Variants in LMBR1 observed in about 807,000 individuals in gnomAD.
The protein encoded by LMBR1 is limb region 1 protein homolog.
LMBR1 carries 52 observed loss-of-function variants against 73.9 expected under a neutral mutation model. The observed-to-expected ratio is 0.70, with a 90% CI of 0.56 to 0.89. LMBR1 has a LOEUF of 0.89. Ranked by LOEUF, LMBR1 falls within the 40% of genes least tolerant of loss-of-function variation. The probability of loss-of-function intolerance (pLI) is 0.00; values close to 1 mark genes in which losing one functional copy is unlikely to be tolerated. For synonymous variants in LMBR1, 215 were observed against 209.4 expected (o/e 1.03, Z -0.23); for missense variants, 539 against 579.8 (o/e 0.93, Z 0.72).
chr7:156,848,616 G>A (rs1246241107), intron 1 of LMBR1, among the ~76,000 whole-genome samples: 4 of 152,122 alleles, frequency 2.6e-5, no homozygotes, highest in Non-Finnish European at 4.4e-5. Context: ...AAAGCAGTGT[G>A]GCAATTTCTC....
At chr7:156,726,021 C>T (rs1815679132) in intron 12 of LMBR1, 184 bp from the exon 13 acceptor site, 1 of 444,412 alleles carries the variant, frequency 2.3e-6, no homozygotes, top group Non-Finnish European at 4.1e-6. Context: ...AATTCAGGCA[C>T]CATGTTAACA....
intron 1 of LMBR1, among the ~76,000 whole-genome samples, chr7:156,868,811 T>A (rs1182578429): frequency 6.6e-6 from 1 of 151,808 alleles, no homozygotes; most frequent in African/African-American, 2.4e-5. Context: ...ACAAAAAATA[T>A]AAAACTTAGC....
chr7:156,795,049 C>T lies in LMBR1; in HGVS notation c.423+1340G>A, dbSNP rs570105677. On this transcript the variant is annotated intron_variant, in intron 5 of 16. Coordinates refer to ENST00000353442, the MANE Select transcript of LMBR1 (RefSeq NM_022458.4). ...GCCTCCAGAATTCGACCCTGGCAAG[C>T]GGCTTGTGCACCCTCATCTCTCACC... Among the ~76,000 whole-genome samples the T allele has an allele frequency of 9.9e-5, 15 of 152,252 alleles. No homozygotes were observed. The South Asian group carries it at 2.7e-3, about 27-fold the overall frequency.
At chr7:156,880,590 T>C (rs1800934743) in intron 1 of LMBR1, among the ~76,000 whole-genome samples, 1 of 152,096 alleles carries the variant, frequency 6.6e-6, no homozygotes, top group Non-Finnish European at 1.5e-5. Context: ...AGATTTAATA[T>C]TGTCAAAATA....
At chr7:156,764,510 C>A (rs561714771) in intron 5 of LMBR1, among the ~76,000 whole-genome samples, 1 of 152,016 alleles carries the variant, frequency 6.6e-6, no homozygotes, top group African/African-American at 2.4e-5. Context: ...AAAAAGAAAC[C>A]GCTTTTACTC....
intron 15 of LMBR1, among the ~76,000 whole-genome samples, chr7:156,719,937 C>T (rs1215231700): frequency 3.3e-5 from 5 of 151,020 alleles, no homozygotes; most frequent in Admixed American, 6.6e-5. Flanking sequence ...TTCCTTACAC[C>T]TTATACAAAA....
chr7:156,734,171 C>G lies in LMBR1; in HGVS notation c.838+6G>C. On this transcript the variant is annotated splice_donor_region_variant and intron_variant, in intron 10 of 16. Coordinates refer to ENST00000353442, the MANE Select transcript of LMBR1 (RefSeq NM_022458.4). ...TACACAAGTCAAGAAAAAAAAAGTA[C>G]AATACCTAATTTTGTCTTAAGAGTC... 1 of 1,576,410 alleles carries G rather than the reference C, an allele frequency of 6.3e-7. No homozygotes were observed. Among genetic ancestry groups the G allele is most frequent in the Non-Finnish European group, 8.6e-7 (1 of 1,156,656 alleles).
intron 4 of LMBR1, among the ~76,000 whole-genome samples, chr7:156,816,959 A>C (rs1585996179): frequency 6.6e-6 from 1 of 152,200 alleles, no homozygotes; most frequent in African/African-American, 2.4e-5. Flanking sequence ...GCTCTGCTTT[A>C]GAAAGGTAAA....
rs78357753 is a variant in LMBR1 at position 156,834,001 on chromosome 7, T to C, written c.140-209A>G. Among the ~76,000 whole-genome samples, 4,252 of 152,228 alleles carry C rather than the reference T, an allele frequency of 0.028. 203 individuals are homozygous for C. The highest frequency in any genetic ancestry group is 0.097 in the African/African-American group (4,040 of 41,530). On this transcript the variant is annotated intron_variant, in intron 2 of 16. Coordinates refer to ENST00000353442, the MANE Select transcript of LMBR1 (RefSeq NM_022458.4). ...GTATATAGAGAATGGGATGTTTCAA[T>C]TAACAAAATCCTGATTAATAAAACT...
chr7:156,691,915 AAG>A (rs1302870663), intron 15 of LMBR1, among the ~76,000 whole-genome samples: 5 of 152,232 alleles, frequency 3.3e-5, no homozygotes, highest in Non-Finnish European at 7.3e-5. Flanking sequence ...AAAAGTGACA[AAG>A]AGTATGAAAT....
intron 1 of LMBR1, among the ~76,000 whole-genome samples, chr7:156,842,329 G>A (rs1194126159): frequency 6.9e-6 from 1 of 144,840 alleles, no homozygotes; most frequent in African/African-American, 2.5e-5. Context: ...TGGGGCGGGG[G>A]GAGATTTGTA....
intron 5 of LMBR1, among the ~76,000 whole-genome samples, chr7:156,775,539 T>C (rs995054483): frequency 2.0e-5 from 3 of 152,210 alleles, no homozygotes; most frequent in African/African-American, 4.8e-5. Context: ...TCTTAAATCA[T>C]GGTGAATGTT....
chr7:156,769,019 C>A (rs1053706860), intron 5 of LMBR1, among the ~76,000 whole-genome samples: 1 of 152,098 alleles, frequency 6.6e-6, no homozygotes, highest in African/African-American at 2.4e-5. Flanking sequence ...CTCCTGGGGC[C>A]CTATACTGTT....
intron 4 of LMBR1, among the ~76,000 whole-genome samples, chr7:156,807,897 A>G (rs1037721559): frequency 1.3e-5 from 2 of 152,162 alleles, no homozygotes; most frequent in African/African-American, 4.8e-5. Context: ...GTATGTTATC[A>G]ATTACCAAAT....
At chr7:156,861,880 A>C (rs953282727) in intron 1 of LMBR1, among the ~76,000 whole-genome samples, 4 of 152,140 alleles carry the variant, frequency 2.6e-5, no homozygotes, top group Admixed American at 2.6e-4. Context: ...TCCACTGTCC[A>C]TATCATTATC....
intron 14 of LMBR1, 49 bp from the exon 15 acceptor site, chr7:156,724,227 ACAAT>A (rs774892184): frequency 2.2e-6 from 3 of 1,365,382 alleles, no homozygotes; most frequent in Non-Finnish European, 3.1e-6. Context: ...CAGCAGGATG[ACAAT>A]CAAACCCAGT....
chr7:156,694,443 A>G (rs1019527415), intron 15 of LMBR1, among the ~76,000 whole-genome samples: 5 of 152,150 alleles, frequency 3.3e-5, no homozygotes, highest in African/African-American at 4.8e-5. Context: ...AAGACAATAG[A>G]TATTTTTAGA....
intron 16 of LMBR1, among the ~76,000 whole-genome samples, chr7:156,686,406 T>A (rs910116663): frequency 4.6e-5 from 7 of 152,132 alleles, no homozygotes; most frequent in African/African-American, 1.7e-4. Flanking sequence ...AGAAAGGGGA[T>A]AGCTACTTTA....
intron 9 of LMBR1, among the ~76,000 whole-genome samples, chr7:156,737,849 C>T (rs1218562679): frequency 6.6e-6 from 1 of 152,094 alleles, no homozygotes; most frequent in Non-Finnish European, 1.5e-5. Context: ...ATATGGGAGG[C>T]TTTCCTTGGA....
Sources: allele counts gnomAD v4.1 joint callset (sites outside exome capture counted in the v4.1 genomes callset), GRCh38; gene constraint gnomAD v4.1.1; transcripts MANE v1.5; gene names NCBI Gene and HGNC (gene_info 2026-07-23, HGNC 2026-07-21).